Variants in AFG2B observed in about 807,000 individuals in gnomAD.
AFG2B encodes the protein ATPase family gene 2 protein homolog B.
the AFG2B span, among the ~76,000 whole-genome samples, chr15:45,406,285 C>G: frequency 6.6e-6 from 1 of 152,118 alleles, no homozygotes; most frequent in African/African-American, 2.4e-5. Context: ...TAGAAATGAT[C>G]CTGTGTCTTT....
chr15:45,410,479 T>A, the AFG2B span: 5 of 1,612,910 alleles, frequency 3.1e-6, 1 homozygote, highest in South Asian at 5.5e-5. Context: ...TCAAGCCTGT[T>A]GACTGGGAGG....
At chr15:45,405,734 T>C in the AFG2B span, among the ~76,000 whole-genome samples, 5 of 152,194 alleles carry the variant, frequency 3.3e-5, no homozygotes, top group East Asian at 1.9e-4. Flanking sequence ...CCTACTCTTA[T>C]AGTAACTCCC....
At chr15:45,411,095 G>A in the AFG2B span, among the ~76,000 whole-genome samples, 1 of 152,122 alleles carries the variant, frequency 6.6e-6, no homozygotes, top group Admixed American at 6.5e-5. Context: ...CCAGCTACTC[G>A]GAAGGCTGAG....
the AFG2B span, chr15:45,407,040 A>C: frequency 7.8e-7 from 1 of 1,289,182 alleles, no homozygotes; most frequent in South Asian, 1.2e-5. Flanking sequence ...TCCAGGTTTG[A>C]CCATAAGCAC....
chr15:45,410,528 C>A, the AFG2B span: 1 of 1,598,424 alleles, frequency 6.3e-7, no homozygotes. Context: ...GAAGTTAAAA[C>A]AGGTAAGACA....
chr15:45,413,797 G>A, the AFG2B span, among the ~76,000 whole-genome samples: 1 of 152,126 alleles, frequency 6.6e-6, no homozygotes, highest in Admixed American at 6.5e-5. Flanking sequence ...ATTGTCTGGG[G>A]TCAGTATTGG....
the AFG2B span, chr15:45,403,149 G>A: frequency 6.9e-7 from 1 of 1,457,494 alleles, no homozygotes; most frequent in Non-Finnish European, 9.0e-7. Flanking sequence ...TGCTCCTGGC[G>A]GGGCCCCCCG....
At chr15:45,404,817 A>AG in the AFG2B span, among the ~76,000 whole-genome samples, 1 of 150,942 alleles carries the variant, frequency 6.6e-6, no homozygotes, top group South Asian at 2.1e-4. Flanking sequence ...CAAAAAAAAA[A>AG]AAAAAAGAAA....
chr15:45,406,454 C>T, the AFG2B span, among the ~76,000 whole-genome samples: 12 of 152,070 alleles, frequency 7.9e-5, no homozygotes, highest in Non-Finnish European at 1.5e-4. Context: ...GAGAAATAAG[C>T]TTTTCTAACC....
the AFG2B span, among the ~76,000 whole-genome samples, chr15:45,416,568 G>A: frequency 3.3e-3 from 508 of 152,240 alleles, 1 homozygote; most frequent in African/African-American, 0.012. Flanking sequence ...AGGTATCCAC[G>A]AGGTTATCTA....
the AFG2B span, chr15:45,415,810 GTATT>G: frequency 1.9e-6 from 3 of 1,602,432 alleles, no homozygotes; most frequent in East Asian, 2.3e-5. Context: ...AAATGAAGAG[GTATT>G]TATTAGCCAG....
the AFG2B span, chr15:45,402,639 C>T: frequency 1.3e-6 from 2 of 1,578,280 alleles, no homozygotes. Context: ...GAGCGGACGG[C>T]TTTGTGCAGC....
chr15:45,411,246 G>A, the AFG2B span, among the ~76,000 whole-genome samples: 6 of 152,252 alleles, frequency 3.9e-5, no homozygotes, highest in Admixed American at 6.5e-5. Flanking sequence ...TTAGAAGGCC[G>A]AGACAGGAGG....
the AFG2B span, chr15:45,415,475 G>GC: frequency 4.5e-5 from 41 of 909,494 alleles, no homozygotes; most frequent in African/African-American, 7.0e-4. Flanking sequence ...TCCAAACTGA[G>GC]CAACAGAGCA....
chr15:45,415,503 A>C, the AFG2B span: 3 of 1,287,888 alleles, frequency 2.3e-6, no homozygotes, highest in Non-Finnish European at 3.2e-6. Context: ...CTCAAAAAAA[A>C]AAAAAAAAAC....
At chr15:45,402,809 A>T in the AFG2B span, 1 of 1,596,122 alleles carries the variant, frequency 6.3e-7, no homozygotes, top group Non-Finnish European at 8.5e-7. Flanking sequence ...GGTGCCCGGA[A>T]TACAGCCGCG....
the AFG2B span, among the ~76,000 whole-genome samples, chr15:45,406,522 G>C: frequency 6.6e-6 from 1 of 152,138 alleles, no homozygotes; most frequent in Non-Finnish European, 1.5e-5. Context: ...CTGCAGGTCT[G>C]TAATTCATGA....
chr15:45,417,635 A>G, the AFG2B span: 1 of 402,654 alleles, frequency 2.5e-6, no homozygotes, highest in Non-Finnish European at 4.5e-6. Context: ...CTAAATACTG[A>G]GTCTACTCAG....
the AFG2B span, chr15:45,417,130 C>T: frequency 1.0e-6 from 1 of 983,504 alleles, no homozygotes; most frequent in Non-Finnish European, 1.5e-6. Context: ...AGAAGCTGGT[C>T]TGGAAAGCGG....
Sources: gnomAD v4.1 joint callset for allele counts (sites outside exome capture counted in the v4.1 genomes callset) on GRCh38, gnomAD v4.1.1 for gene constraint, MANE v1.5 for transcripts, NCBI Gene and HGNC (gene_info 2026-07-23, HGNC 2026-07-21) for gene names.